The following MAPK10 variants were observed in gnomAD, a reference collection of about 807,000 sequenced individuals.
The protein encoded by MAPK10 is mitogen-activated protein kinase 10, also known as JNK3 alpha protein kinase.
MAPK10 carries 25 observed loss-of-function variants against 59.3 expected under a neutral mutation model. The observed-to-expected ratio is 0.42, with a 90% CI of 0.31 to 0.59. MAPK10 has a LOEUF of 0.59. Ranked by LOEUF, MAPK10 falls within the 20% of genes least tolerant of loss-of-function variation. MAPK10 has a pLI of 0.15. For synonymous variants in MAPK10, 190 were observed against 200.5 expected (o/e 0.95, Z 0.44); for missense variants, 351 against 568.9 (o/e 0.62, Z 3.90).
intron 1 of MAPK10, among the ~76,000 whole-genome samples, chr4:86,365,805 A>T (rs1452587036): frequency 6.6e-6 from 1 of 152,198 alleles, no homozygotes; most frequent in African/African-American, 2.4e-5. Flanking sequence ...ACTGTATGTA[A>T]TATAGAAGTC....
chr4:86,510,351 G>A (rs1354380066), intron 1 of MAPK10, among the ~76,000 whole-genome samples: 3 of 151,884 alleles, frequency 2.0e-5, no homozygotes, highest in South Asian at 2.1e-4. Flanking sequence ...GGCCTCAAGC[G>A]ATTATCCCAC....
At chr4:86,290,396 C>G (rs2095183312) in intron 2 of MAPK10, among the ~76,000 whole-genome samples, 1 of 152,148 alleles carries the variant, frequency 6.6e-6, no homozygotes, top group East Asian at 1.9e-4. Context: ...AGATGGCAAC[C>G]TCTCTTTCTT....
intron 1 of MAPK10, among the ~76,000 whole-genome samples, chr4:86,534,049 A>G (rs1221426001): frequency 6.6e-6 from 1 of 151,928 alleles, no homozygotes; most frequent in African/African-American, 2.4e-5. Flanking sequence ...CACTAAATTT[A>G]TTTCCCTTAC....
At chr4:86,252,143 G>A (rs2093474298) in intron 2 of MAPK10, among the ~76,000 whole-genome samples, 1 of 124,412 alleles carries the variant, frequency 8.0e-6, no homozygotes, top group Non-Finnish European at 1.6e-5. Context: ...TCTGATGGTA[G>A]TTTCTTTTGC....
intron 1 of MAPK10, among the ~76,000 whole-genome samples, chr4:86,589,440 C>T (rs148309311): frequency 6.6e-6 from 1 of 151,880 alleles, no homozygotes; most frequent in African/African-American, 2.4e-5. Context: ...CCAGCACTTT[C>T]GGAGGCCGAG....
At chr4:86,525,564 C>T (rs1280509911) in intron 1 of MAPK10, among the ~76,000 whole-genome samples, 1 of 152,128 alleles carries the variant, frequency 6.6e-6, no homozygotes, top group African/African-American at 2.4e-5. Flanking sequence ...GCTTTTCCCT[C>T]ACTGTACAAA....
At chr4:86,345,651 A>C (rs1029869319) in intron 2 of MAPK10, among the ~76,000 whole-genome samples, 46 of 152,174 alleles carry the variant, frequency 3.0e-4, no homozygotes, top group African/African-American at 1.0e-3. Context: ...TTCCTTTTCC[A>C]GAAACTATAT....
At chr4:86,239,832 G>A (rs1360351566) in intron 2 of MAPK10, among the ~76,000 whole-genome samples, 1 of 150,520 alleles carries the variant, frequency 6.6e-6, no homozygotes, top group Non-Finnish European at 1.5e-5. Flanking sequence ...AGTTTTGGGA[G>A]GGTTTTTTGT....
At chr4:86,275,540 T>A (rs2094549620) in intron 2 of MAPK10, among the ~76,000 whole-genome samples, 1 of 151,784 alleles carries the variant, frequency 6.6e-6, no homozygotes, top group African/African-American at 2.4e-5. Context: ...GAAAAATGAG[T>A]GTAGTGTTAC....
In MAPK10 at chr4:86,011,083, A is replaced by G. The variant is rs1052852723; in HGVS notation, c.*6145T>C. ...GACATAAGGTAGAAAATTTCAAAGG[A>G]GTGTTTGACTTGTTGCTGGATGTGT... On this transcript the variant is annotated 3_prime_UTR_variant, in exon 14 of 14. Transcript: ENST00000641462. 6.6e-6 allele frequency: 1 copy of G among 152,258 alleles called. No individual in the cohort carries two copies. Among genetic ancestry groups the G allele is most frequent in the Admixed American group, 6.5e-5 (1 of 15,290 alleles). The allele number at this position is 152,258 out of a possible 1,614,324, so 9.4% of individuals were successfully genotyped here.
chr4:86,021,585 C>T lies in MAPK10; in HGVS notation c.1253-4215G>A, dbSNP rs531352969. Among the ~76,000 whole-genome samples the T allele has an allele frequency of 2.0e-3, 298 of 152,382 alleles. 1 individual carries two copies. The highest frequency in any genetic ancestry group is 3.7e-3 in the Non-Finnish European group (249 of 68,044). On this transcript the variant is annotated intron_variant, in intron 13 of 13. Coordinates refer to ENST00000641462, the MANE Select transcript of MAPK10 (RefSeq NM_138982.4). ...CCAGGGCTGCAGGTGGAGCTGCCTGCCAGTCCTGCGCTGTGCGCTCGCATT... is the reference window on the plus strand; with the variant it reads ...CCAGGGCTGCAGGTGGAGCTGCCTGTCAGTCCTGCGCTGTGCGCTCGCATT...
intron 4 of MAPK10, chr4:86,152,145 C>T (rs189762659): frequency 6.6e-6 from 1 of 152,258 alleles, no homozygotes; most frequent in Non-Finnish European, 1.5e-5. Context: ...TTCTGATGTC[C>T]TTGGTGAACC....
At chr4:86,272,081 C>T (rs2094450860) in intron 2 of MAPK10, among the ~76,000 whole-genome samples, 1 of 152,042 alleles carries the variant, frequency 6.6e-6, no homozygotes. Context: ...TAAGTGAGTA[C>T]ATGCGGTATT....
intron 11 of MAPK10, among the ~76,000 whole-genome samples, chr4:86,042,241 CGT>C (rs1258565677): frequency 1.3e-5 from 2 of 152,304 alleles, no homozygotes; most frequent in South Asian, 2.1e-4. Context: ...CCAAACACTG[CGT>C]GTTCTCACTC....
At chr4:86,074,952 T>C (rs1579710547) in intron 9 of MAPK10, among the ~76,000 whole-genome samples, 2 of 142,692 alleles carry the variant, frequency 1.4e-5, no homozygotes, top group African/African-American at 2.7e-5. Context: ...CCTTGCTAGA[T>C]TGGGGAAGTT....
chr4:86,503,999 A>C (rs1378296855), intron 1 of MAPK10, among the ~76,000 whole-genome samples: 1 of 152,032 alleles, frequency 6.6e-6, no homozygotes, highest in Non-Finnish European at 1.5e-5. Context: ...AATTCATTCA[A>C]ATGTCTATAC....
rs796310826 is a variant in MAPK10, at chr4:86,359,288, C to CTCTCTCTCTCTCTCTG, written c.-122+369_-122+370insCAGAGAGAGAGAGAGA. On this transcript the variant is annotated intron_variant, in intron 1 of 13. Transcript: ENST00000641462. ...CCTCTCTCTCTCTCTCTCTCTCTCT[C>CTCTCTCTCTCTCTCTG]TGTGTGTGTGTGTGTGTGTGTGTGT... is the stretch of plus-strand genomic sequence containing the variant. Among the ~76,000 whole-genome samples the CTCTCTCTCTCTCTCTG allele has an allele frequency of 7.3e-3, 694 of 94,504 alleles. 7 individuals carry two copies. The highest frequency in any genetic ancestry group is 0.012 in the Middle Eastern group (2 of 172). The allele number at this position is 94,504 out of a possible 152,430, so 62.0% of individuals were successfully genotyped here.
At chr4:86,284,782 G>T (rs1584058837) in intron 2 of MAPK10, among the ~76,000 whole-genome samples, 1 of 152,186 alleles carries the variant, frequency 6.6e-6, no homozygotes, top group East Asian at 1.9e-4. Context: ...ACACTGTTCT[G>T]GTAAGAGTTG....
chr4:86,434,179 T>C (rs1748406656), intron 1 of MAPK10, among the ~76,000 whole-genome samples: 1 of 152,132 alleles, frequency 6.6e-6, no homozygotes. Flanking sequence ...CTGGGAAAAC[T>C]GGAGAACTAT....
Sources: allele counts gnomAD v4.1 joint callset (sites outside exome capture counted in the v4.1 genomes callset), GRCh38; gene constraint gnomAD v4.1.1; transcripts MANE v1.5; gene names NCBI Gene and HGNC (gene_info 2026-07-23, HGNC 2026-07-21).